Variants in PPP1R12A observed in about 807,000 individuals in gnomAD.
PPP1R12A encodes the protein protein phosphatase 1 regulatory subunit 12A, also known as myosin binding subunit.
PPP1R12A carries 19 observed loss-of-function variants against 139.6 expected under a neutral mutation model. The ratio of observed to expected loss-of-function variants is 0.14; its 90% confidence interval spans 0.09 to 0.20. The LOEUF (loss-of-function observed/expected upper bound fraction) is 0.20, where lower values mean the gene tolerates loss of function less well. PPP1R12A is among the 10% of genes least tolerant of loss of function. PPP1R12A has a pLI of 1.00. For synonymous variants in PPP1R12A, 427 were observed against 420.6 expected (o/e 1.02, Z -0.19); for missense variants, 925 against 1,211.5 (o/e 0.76, Z 3.51).
rs770465331 is a variant in PPP1R12A, at chr12:79,845,287, T to G, written c.487+15A>C. ...TTCTAAAACATTTTTCCATTTAGGT[T>G]GCTTTTTATTTTACCTTGCCGATTA... On this transcript the variant is annotated intron_variant, in intron 3 of 24. Transcript: ENST00000450142. 19 of 1,561,856 alleles carry G rather than the reference T, an allele frequency of 1.2e-5. No homozygotes were observed. In the South Asian group the frequency reaches 2.1e-4, roughly 17 times the overall value.
chr12:79,874,344 A>G (rs1328959626), intron 1 of PPP1R12A, among the ~76,000 whole-genome samples: 3 of 152,112 alleles, frequency 2.0e-5, no homozygotes, highest in Non-Finnish European at 4.4e-5. Context: ...GAAAAAATGA[A>G]TTAGTTATTT....
chr12:79,807,222 T>A lies in PPP1R12A; in HGVS notation c.1655+4A>T. Reference sequence around the variant, plus strand: ...TAAAAACCGCTTAAGAATAGTATTATTACCTTTTATGATACGTTGATCCTT... The same window carrying A: ...TAAAAACCGCTTAAGAATAGTATTAATACCTTTTATGATACGTTGATCCTT... On this transcript the variant is annotated splice_donor_region_variant and intron_variant, in intron 12 of 24. Transcript: ENST00000450142. The A allele has an allele frequency of 6.7e-7, 1 of 1,483,394 alleles. No homozygotes were observed. Among genetic ancestry groups the A allele is most frequent in the Non-Finnish European group, 9.2e-7 (1 of 1,092,550 alleles). 91.9% of individuals were successfully genotyped at this position (1,483,394 alleles called of 1,614,324 possible).
At chr12:79,909,766 C>A (rs1053753048) in intron 1 of PPP1R12A, among the ~76,000 whole-genome samples, 1 of 151,400 alleles carries the variant, frequency 6.6e-6, no homozygotes, top group Non-Finnish European at 1.5e-5. Flanking sequence ...CCAACTACAG[C>A]CTCTGCTTAA....
At chr12:79,901,776 A>C (rs1292237647) in intron 1 of PPP1R12A, among the ~76,000 whole-genome samples, 2 of 152,184 alleles carry the variant, frequency 1.3e-5, no homozygotes, top group Non-Finnish European at 2.9e-5. Context: ...AAACAAACAA[A>C]TAAATACGTA....
chr12:79,820,193 A>G (rs1850793105), intron 8 of PPP1R12A, among the ~76,000 whole-genome samples: 1 of 152,244 alleles, frequency 6.6e-6, no homozygotes, highest in Admixed American at 6.5e-5. Flanking sequence ...TGACCAAAAA[A>G]GACATCTATA....
chr12:79,842,212 C>T (rs1878803497), intron 3 of PPP1R12A, among the ~76,000 whole-genome samples: 1 of 152,024 alleles, frequency 6.6e-6, no homozygotes, highest in Admixed American at 6.6e-5. Flanking sequence ...CCCAGCTCCT[C>T]AAGAGGCTAA....
chr12:79,929,834 TTTTAA>T (rs1191339340), intron 1 of PPP1R12A, among the ~76,000 whole-genome samples: 1 of 152,140 alleles, frequency 6.6e-6, no homozygotes, highest in Admixed American at 6.6e-5. Flanking sequence ...ACAACAAAGT[TTTTAA>T]TTTGTTTCAT....
At position 79,774,381 on chromosome 12, in the gene PPP1R12A, C is replaced by T. The variant is rs1422531011; in HGVS notation, c.*1548G>A. ...GTAATCTAAAATAGGCAGTAGAACA[C>T]AATGACCTTTTAAAATGAAGGGGTA... On this transcript the variant is annotated 3_prime_UTR_variant, in exon 25 of 25. Coordinates refer to ENST00000450142, the MANE Select transcript of PPP1R12A (RefSeq NM_002480.3). 6.6e-6 allele frequency: 1 copy of T among 152,456 alleles called. No individual in the cohort carries two copies. Among genetic ancestry groups the T allele is most frequent in the Non-Finnish European group, 1.5e-5 (1 of 67,960 alleles). 9.4% of individuals were successfully genotyped at this position (152,456 alleles called of 1,614,324 possible). A position where few individuals can be genotyped will look rare whatever the true frequency, so the allele number is the denominator to read the frequency against.
At chr12:79,798,652 G>T in intron 14 of PPP1R12A, 68 bp from the exon 15 acceptor site, 1 of 841,650 alleles carries the variant, frequency 1.2e-6, no homozygotes, top group Non-Finnish European at 1.8e-6. Flanking sequence ...ATCTATCAAT[G>T]CATATGAATA....
intron 1 of PPP1R12A, among the ~76,000 whole-genome samples, chr12:79,882,164 C>G (rs970879283): frequency 2.0e-5 from 3 of 152,132 alleles, no homozygotes; most frequent in Admixed American, 2.0e-4. Flanking sequence ...TTCATGTCTT[C>G]GTATTTAAAA....
At chr12:79,855,137 T>C (rs1304937343) in intron 2 of PPP1R12A, among the ~76,000 whole-genome samples, 3 of 151,996 alleles carry the variant, frequency 2.0e-5, no homozygotes, top group Non-Finnish European at 2.9e-5. Context: ...TACAGGCGCC[T>C]GCCACCACGC....
intron 6 of PPP1R12A, 94 bp downstream of exon 6, chr12:79,822,022 A>G: frequency 1.1e-6 from 1 of 926,248 alleles, no homozygotes; most frequent in Non-Finnish European, 1.6e-6. Flanking sequence ...TAAAACCAAA[A>G]AGTACAAAAC....
At chr12:79,776,264 A>G (rs1869706941) in intron 24 of PPP1R12A, among the ~76,000 whole-genome samples, 1 of 152,086 alleles carries the variant, frequency 6.6e-6, no homozygotes, top group Non-Finnish European at 1.5e-5. Context: ...GAAATTTACT[A>G]AATCACTTGA....
intron 18 of PPP1R12A, 33 bp from the exon 19 acceptor site, chr12:79,793,961 A>G: frequency 6.8e-7 from 1 of 1,464,074 alleles, no homozygotes; most frequent in Non-Finnish European, 9.2e-7. Flanking sequence ...TATTTTAGGA[A>G]ATTTTAGTAA....
intron 3 of PPP1R12A, among the ~76,000 whole-genome samples, chr12:79,843,726 C>T (rs772336866): frequency 1.1e-4 from 16 of 148,072 alleles, no homozygotes; most frequent in African/African-American, 3.0e-4. Context: ...TTTTTTTAGA[C>T]GGAGTCTCAC....
chr12:79,900,886 G>A (rs113830607), intron 1 of PPP1R12A, among the ~76,000 whole-genome samples: 3 of 152,164 alleles, frequency 2.0e-5, no homozygotes, highest in African/African-American at 7.2e-5. Flanking sequence ...GAATTTCCAA[G>A]TGTCCATTCT....
At chr12:79,927,537 A>G (rs1241573435) in intron 1 of PPP1R12A, among the ~76,000 whole-genome samples, 1 of 152,246 alleles carries the variant, frequency 6.6e-6, no homozygotes, top group East Asian at 1.9e-4. Flanking sequence ...GCTAATTTAC[A>G]GAGAAACCTC....
intron 2 of PPP1R12A, among the ~76,000 whole-genome samples, chr12:79,869,213 C>T (rs1436592685): frequency 6.6e-6 from 1 of 152,178 alleles, no homozygotes; most frequent in Non-Finnish European, 1.5e-5. Context: ...ATTCATCTAC[C>T]TATTCACTTG....
At position 79,928,840 on chromosome 12, in the gene PPP1R12A, TA is replaced by T. The variant is rs1343832160; in HGVS notation, c.237+5854del. Among the ~76,000 whole-genome samples the T allele has an allele frequency of 3.3e-5, 5 of 152,332 alleles. No individual in the cohort carries two copies. In the East Asian group the frequency reaches 9.6e-4, roughly 29 times the overall value. The stretch of plus-strand genomic sequence containing the variant: ...GGATCACATATTTTACAAAGATGCT[TA>T]AAATGGCTCCCTTAGAAGTAGATCA... On this transcript the variant is annotated intron_variant, in intron 1 of 24. Transcript: ENST00000450142.
Sources: gnomAD v4.1 joint callset for allele counts (sites outside exome capture counted in the v4.1 genomes callset) on GRCh38, gnomAD v4.1.1 for gene constraint, MANE v1.5 for transcripts, NCBI Gene and HGNC (gene_info 2026-07-23, HGNC 2026-07-21) for gene names.